The following TUB variants were observed in gnomAD, a reference collection of about 807,000 sequenced individuals.
TUB encodes tubby protein homolog.
TUB carries 33 observed loss-of-function variants against 59.7 expected under a neutral mutation model. The ratio of observed to expected loss-of-function variants is 0.55; its 90% CI spans 0.42 to 0.74. The LOEUF (loss-of-function observed/expected upper bound fraction) is 0.74, where lower values mean the gene tolerates loss of function less well. Ranked by LOEUF, TUB falls within the 30% of genes least tolerant of loss-of-function variation. The pLI, the probability that TUB is intolerant of heterozygous loss-of-function variation, is 0.00. For missense variants in TUB, 659 were observed against 672.0 expected (o/e 0.98, Z 0.21); for synonymous variants, 293 against 256.4 (o/e 1.14, Z -1.36).
At chr11:8,032,142 G>A (rs1942583046) in intron 1 of TUB, among the ~76,000 whole-genome samples, 1 of 152,150 alleles carries the variant, frequency 6.6e-6, no homozygotes, top group African/African-American at 2.4e-5. Flanking sequence ...GGAAAGGCCT[G>A]GGGAAAGGCC....
intron 2 of TUB, among the ~76,000 whole-genome samples, chr11:8,052,351 T>C (rs1234002291): frequency 6.6e-6 from 1 of 152,218 alleles, no homozygotes. Flanking sequence ...AGTAAAATTT[T>C]ATAGTTTGTT....
rs1375534525 is a variant in TUB, at chr11:8,089,609, G to C, written c.39-1G>C. The C allele has an allele frequency of 6.2e-7, 1 of 1,614,210 alleles. No individual in the cohort carries two copies. The highest frequency in any genetic ancestry group is 8.5e-7 in the Non-Finnish European group (1 of 1,180,024). ...CTGAAAACCCCTCTTTCGCTCTGCA[G>C]TGTCTTAGATGATGAGGGCAGAAAC... is the stretch of plus-strand genomic sequence containing the variant. On this transcript the variant is annotated splice_acceptor_variant, in intron 1 of 11. Coordinates refer to ENST00000299506, the MANE Select transcript of TUB (RefSeq NM_177972.3). LOFTEE classifies it high-confidence loss of function.
At chr11:8,087,677 G>A (rs1371609915) in intron 1 of TUB, among the ~76,000 whole-genome samples, 1 of 152,252 alleles carries the variant, frequency 6.6e-6, no homozygotes, top group Non-Finnish European at 1.5e-5. Context: ...GACCACGGGG[G>A]ACACTGGTGT....
Position 8,103,308 on chromosome 11 carries a change from C to T in TUB, c.*1689C>T, listed in dbSNP as rs559076628. The T allele has an allele frequency of 2.6e-5, 4 of 152,284 alleles. No homozygotes were observed. The highest frequency in any genetic ancestry group is 2.1e-4 in the South Asian group (1 of 4,816). The allele number at this position is 152,284 out of a possible 1,614,324, so 9.4% of individuals were successfully genotyped here. A position where few individuals can be genotyped will look rare whatever the true frequency, so the allele number is the denominator to read the frequency against. On this transcript the variant is annotated 3_prime_UTR_variant, in exon 12 of 12. Transcript: ENST00000299506. The stretch of plus-strand genomic sequence containing the variant: ...TTTACCCTGGTGGAGGCTTCTTGCC[C>T]AGATAGAGATCTGAAATTGGTGGGA...
intron 1 of TUB, among the ~76,000 whole-genome samples, chr11:8,083,140 A>T (rs1344173052): frequency 6.6e-6 from 1 of 152,208 alleles, no homozygotes; most frequent in African/African-American, 2.4e-5. Context: ...AAGACAGTGC[A>T]GCCCCATGGA....
At chr11:8,063,369 T>C (rs1033051996) in intron 2 of TUB, among the ~76,000 whole-genome samples, 4 of 152,364 alleles carry the variant, frequency 2.6e-5, no homozygotes, top group Non-Finnish European at 4.4e-5. Context: ...ACCCTCATAA[T>C]TGACATGAAG....
intron 1 of TUB, among the ~76,000 whole-genome samples, chr11:8,087,664 G>A (rs1943693898): frequency 1.3e-5 from 2 of 152,250 alleles, no homozygotes; most frequent in Admixed American, 1.3e-4. Flanking sequence ...TGTGCGTGTG[G>A]CTGACCACGG....
intron 1 of TUB, among the ~76,000 whole-genome samples, chr11:8,085,209 C>T (rs760878784): frequency 6.6e-6 from 1 of 152,206 alleles, no homozygotes; most frequent in African/African-American, 2.4e-5. Flanking sequence ...AGCTGTGGCT[C>T]GTGGTCGCAT....
chr11:8,049,119 G>A (rs763846451), intron 2 of TUB, among the ~76,000 whole-genome samples: 5 of 151,984 alleles, frequency 3.3e-5, no homozygotes, highest in Non-Finnish European at 7.4e-5. Flanking sequence ...TTCTGTAGTC[G>A]GCCCAAAGCA....
rs1232630174 is a variant in TUB, at chr11:8,061,158, A to G, written c.203+21466A>G. Among the ~76,000 whole-genome samples, 6 of 152,344 alleles carry G rather than the reference A, an allele frequency of 3.9e-5. No individual in the cohort carries two copies. In the East Asian group the frequency reaches 1.2e-3, roughly 29 times the overall value. On this transcript the variant is annotated intron_variant, in intron 2 of 12. Transcript: ENST00000305253. Reference sequence around the variant, plus strand: ...TCTGTCCATTGTCTCTACAAATACAAAGAGAGTCTCTGAACAGGACAAAGC... The same window carrying G: ...TCTGTCCATTGTCTCTACAAATACAGAGAGAGTCTCTGAACAGGACAAAGC...
At chr11:8,059,793 A>G (rs960273272) in intron 2 of TUB, among the ~76,000 whole-genome samples, 1 of 152,192 alleles carries the variant, frequency 6.6e-6, no homozygotes, top group African/African-American at 2.4e-5. Context: ...GAGCCTTGTC[A>G]GCAGACAAGT....
At chr11:8,048,510 TC>T (rs1942875254) in intron 2 of TUB, among the ~76,000 whole-genome samples, 1 of 151,496 alleles carries the variant, frequency 6.6e-6, no homozygotes, top group Admixed American at 6.6e-5. Flanking sequence ...CAAGTGATCC[TC>T]CCACCTCAAT....
At chr11:8,101,334 T>C in intron 11 of TUB, 152 bp from the exon 12 acceptor site, 1 of 1,001,354 alleles carries the variant, frequency 1.0e-6, no homozygotes, top group East Asian at 2.4e-5. Context: ...TTCTCCCAAT[T>C]GGCCTTTGTT....
chr11:8,077,770 A>AG (rs1943473536), upstream of TUB: 1 of 152,206 alleles, frequency 6.6e-6, no homozygotes, highest in Non-Finnish European at 1.5e-5. Flanking sequence ...ACCTTAATGT[A>AG]GGGTACAGTC....
At chr11:8,092,130 G>A (rs982736466) in intron 3 of TUB, among the ~76,000 whole-genome samples, 26 of 152,220 alleles carry the variant, frequency 1.7e-4, no homozygotes, top group African/African-American at 5.8e-4. Flanking sequence ...CGCCTCTGGC[G>A]TAAGTGCAGG....
rs1337703401 is a variant in TUB, at chr11:8,100,913, G to A, written c.1303G>A (p.Asp435Asn). The A allele has an allele frequency of 1.9e-6, 3 of 1,614,140 alleles. No homozygotes were observed. Among genetic ancestry groups the A allele is most frequent in the Admixed American group, 3.3e-5 (2 of 60,012 alleles). The part of the protein sequence containing the change: ...LQNKTPVWND[D>N]TQSYVLNFHG... ...AAACAAGACACCTGTCTGGAATGAT[G>A]ACACACAGTCCTATGTACTCAACTT... Residue 435 changes from aspartate to asparagine, a missense_variant, in exon 11 of 12, where the codon GAC (aspartate) becomes AAC (asparagine). Around this residue, in one of 3 missense-constraint regions of TUB, gnomAD observed 226 missense variants for 210.8 expected, o/e 1.07. Coordinates refer to ENST00000299506, the MANE Select transcript of TUB (RefSeq NM_177972.3).
chr11:8,057,238 A>T (rs1423600422), intron 2 of TUB, among the ~76,000 whole-genome samples: 1 of 152,220 alleles, frequency 6.6e-6, no homozygotes, highest in Non-Finnish European at 1.5e-5. Context: ...TGCTCAACAT[A>T]GCTGTTATTA....
At chr11:8,067,158 C>T (rs967763060) in intron 2 of TUB, among the ~76,000 whole-genome samples, 1 of 152,184 alleles carries the variant, frequency 6.6e-6, no homozygotes, top group African/African-American at 2.4e-5. Context: ...TCCAGCTTCT[C>T]CAGCTCATTC....
At chr11:8,073,462 C>G (rs886380096) in intron 2 of TUB, among the ~76,000 whole-genome samples, 4 of 152,184 alleles carry the variant, frequency 2.6e-5, no homozygotes, top group Non-Finnish European at 5.9e-5. Context: ...GTCAAAAACA[C>G]AAACTCATAG....
Sources: allele counts gnomAD v4.1 joint callset (sites outside exome capture counted in the v4.1 genomes callset), GRCh38; gene constraint gnomAD v4.1.1; regional missense constraint gnomAD v4.1.1; transcripts MANE v1.5; gene names NCBI Gene and HGNC (gene_info 2026-07-23, HGNC 2026-07-21).